Variants in PML observed in about 807,000 individuals in gnomAD.
PML encodes PML nuclear body scaffold.
Under a neutral mutation model 65.2 loss-of-function variants are expected in PML, and 28 were observed. The observed-to-expected ratio is 0.43, with a 90% CI of 0.32 to 0.59. The LOEUF (loss-of-function observed/expected upper bound fraction) is 0.59. Among genes scored for constraint, PML ranks in the 20% least tolerant of loss-of-function variants. The pLI is 0.08. For synonymous variants in PML, 500 were observed against 508.8 expected, an observed-to-expected ratio of 0.98 and a Z score of 0.23; for missense variants, 1,021 against 1,203.4, an observed-to-expected ratio of 0.85 and a Z score of 2.24.
chr15:74,004,271 G>A lies in PML; in HGVS notation c.602+5795G>A, dbSNP rs146638764. Among the ~76,000 whole-genome samples the A allele has an allele frequency of 3.5e-3, 540 of 152,166 alleles. 3 individuals carry two copies. The highest frequency in any genetic ancestry group is 5.6e-3 in the Non-Finnish European group (381 of 68,010). ...ACTACAGGCACCTGCCACCGTGCCTGGCTAATAAATATAGTTGGATGGTTT... is the reference window on the plus strand; with the variant it reads ...ACTACAGGCACCTGCCACCGTGCCTAGCTAATAAATATAGTTGGATGGTTT... On this transcript the variant is annotated intron_variant, in intron 2 of 8. Transcript: ENST00000268058.
chr15:73,995,243 C>T (rs760171714), intron 1 of PML, among the ~76,000 whole-genome samples: 1 of 152,242 alleles, frequency 6.6e-6, no homozygotes, highest in Non-Finnish European at 1.5e-5. Flanking sequence ...TCCGCCCACC[C>T]TCGAGCCCTG....
At chr15:74,009,107 T>A (rs1223112276) in intron 2 of PML, among the ~76,000 whole-genome samples, 1 of 152,076 alleles carries the variant, frequency 6.6e-6, no homozygotes, top group African/African-American at 2.4e-5. Context: ...TGACCAGACA[T>A]TCTCAGGAGT....
rs750806582 is a variant in PML at position 74,035,789 on chromosome 15, T to C, written c.1710+1259T>C. On this transcript the variant is annotated intron_variant, in intron 7 of 8. Transcript: ENST00000268058. This position sits in a 1 kb window ranked among gnomAD's most constrained non-coding sequence, Gnocchi z 4.1. ...GGGCAGGGGAAAGCAGAGCCCAGAC[T>C]CTTGGAGCAGGTGTTCCCCCTGGGG... The C allele has an allele frequency of 6.2e-7, 1 of 1,614,082 alleles. No homozygotes were observed. Among genetic ancestry groups the C allele is most frequent in the Admixed American group, 1.7e-5 (1 of 60,024 alleles).
At chr15:73,998,529 C>T in intron 2 of PML, 53 bp downstream of exon 2, 1 of 1,464,626 alleles carries the variant, frequency 6.8e-7, no homozygotes, top group Non-Finnish European at 9.5e-7. Flanking sequence ...AGGTAGAGGG[C>T]GAGAGGAGCA....
intron 7 of PML, chr15:74,036,197 C>T (rs2071553875): frequency 6.3e-7 from 1 of 1,589,144 alleles, no homozygotes; most frequent in African/African-American, 1.3e-5. Flanking sequence ...GCCTCTTTGC[C>T]CAAGAAAGAA....
intron 6 of PML, 70 bp downstream of exon 6, chr15:74,033,484 T>C (rs778979400): frequency 5.1e-6 from 8 of 1,569,438 alleles, no homozygotes; most frequent in Non-Finnish European, 2.6e-6. Context: ...CTCTTCTGTA[T>C]TTTGGCCCCA....
At chr15:74,036,995 C>T (rs1413669075) in intron 7 of PML, 11 of 985,364 alleles carry the variant, frequency 1.1e-5, no homozygotes, top group Non-Finnish European at 1.3e-5. Flanking sequence ...ATCAGAATTG[C>T]AGCTCCCTGC....
chr15:74,014,362 C>G (rs2070467176), intron 2 of PML, among the ~76,000 whole-genome samples: 1 of 151,804 alleles, frequency 6.6e-6, no homozygotes, highest in African/African-American at 2.4e-5. Context: ...GATAGAGTCT[C>G]GCTCTGCCTC....
At chr15:74,033,684 G>A in intron 6 of PML, 1 of 646,664 alleles carries the variant, frequency 1.5e-6, no homozygotes, top group Non-Finnish European at 2.8e-6. Flanking sequence ...CTGTGCCTTT[G>A]CACAGGGCAG....
intron 4 of PML, chr15:74,025,616 T>C (rs2071039254): frequency 1.3e-5 from 2 of 153,450 alleles, no homozygotes; most frequent in Admixed American, 6.5e-5. Flanking sequence ...CCAGCTTTCA[T>C]GTACACATCT....
Position 74,022,876 on chromosome 15 carries a change from C to G in PML, c.651C>G (p.Leu217=), listed in dbSNP as rs761106701. 28 of 1,613,674 alleles carry G rather than the reference C, an allele frequency of 1.7e-5. No individual in the cohort carries two copies. The highest frequency in any genetic ancestry group is 2.4e-5 in the Non-Finnish European group (28 of 1,179,952). The change falls in exon 3 of 9, where the codon CTC becomes CTG. Residue 217 remains leucine, a synonymous_variant. Transcript: ENST00000268058. ...AGCCGCTGTGCTGCTCGTGCGCGCT[C>G]CTTGACAGCAGCCACAGTGAGCTCA... The part of the protein sequence containing the change: ...CSKPLCCSCA[L]LDSSHSELKC...
chr15:74,030,808 T>A (rs2071287576), intron 4 of PML, among the ~76,000 whole-genome samples: 1 of 152,172 alleles, frequency 6.6e-6, no homozygotes, highest in South Asian at 2.1e-4. Context: ...ACTTTTTTTT[T>A]AACTATAATT....
chr15:74,014,489 C>T (rs1386179575), intron 2 of PML, among the ~76,000 whole-genome samples: 2 of 151,846 alleles, frequency 1.3e-5, no homozygotes, highest in African/African-American at 4.8e-5. Context: ...CCCGCCACCA[C>T]ACTCAGCTAA....
chr15:74,016,920 C>G (rs549457883), intron 2 of PML, among the ~76,000 whole-genome samples: 475 of 151,456 alleles, frequency 3.1e-3, no homozygotes, highest in Middle Eastern at 6.8e-3. Flanking sequence ...CCTCAGCCTC[C>G]TGAGTAGCTG....
At chr15:74,003,091 G>A (rs188430090) in intron 2 of PML, among the ~76,000 whole-genome samples, 1 of 152,072 alleles carries the variant, frequency 6.6e-6, no homozygotes, top group African/African-American at 2.4e-5. Flanking sequence ...CCATGATCAC[G>A]CCACTGCACT....
At position 73,994,885 on chromosome 15, in the gene PML, C is replaced by A. The variant is rs376726233; in HGVS notation, c.73C>A (p.Pro25Thr). The change falls in exon 1 of 9, where the codon CCC (proline) becomes ACC (threonine). Residue 25 changes from proline (P) to threonine (T), a missense_variant. Pro to Thr is a conservative substitution (Grantham distance 38, BLOSUM62 -1). Coordinates refer to ENST00000268058, the MANE Select transcript of PML (RefSeq NM_033238.3). ...PARPQEPTMP[P>T]PETPSEGRQP... ...CCGGCCCCAGGAGCCCACCATGCCT[C>A]CCCCCGAGACCCCCTCTGAAGGCCG... 1 of 1,545,884 alleles carries A rather than the reference C, an allele frequency of 6.5e-7. No homozygotes were observed.
chr15:73,998,196 T>G lies in PML; in HGVS notation c.322T>G (p.Phe108Val), dbSNP rs2069594251. The G allele has an allele frequency of 1.2e-6, 2 of 1,614,082 alleles. No individual in the cohort carries two copies. The highest frequency in any genetic ancestry group is 1.7e-6 in the Non-Finnish European group (2 of 1,180,024). ...GADTPALDNV[F>V]FESLQRRLSV... ...AGACACACCCGCCCTGGATAACGTC[T>G]TTTTCGAGAGTCTGCAGCGGCGCCT... The change falls in exon 2 of 9, where the codon TTT (phenylalanine) becomes GTT (valine). Residue 108 changes from phenylalanine (F) to valine (V), a missense_variant. By Grantham distance (50) the Phe-to-Val change is conservative. Coordinates refer to ENST00000268058, the MANE Select transcript of PML (RefSeq NM_033238.3).
intron 2 of PML, among the ~76,000 whole-genome samples, chr15:74,008,851 G>C (rs1372032822): frequency 1.3e-5 from 2 of 152,136 alleles, no homozygotes; most frequent in South Asian, 4.2e-4. Context: ...TTTGGGAACA[G>C]GGATATCAGT....
rs745901836 is a variant in PML at position 74,044,925 on chromosome 15, G to A, written c.2566G>A (p.Gly856Ser). 3.7e-5 allele frequency: 59 copies of A among 1,613,274 alleles called. No individual in the cohort carries two copies. The highest frequency in any genetic ancestry group is 4.7e-5 in the Non-Finnish European group (55 of 1,180,016). ...CACCTACTTTGAAGGCCTGTTGGAG[G>A]GTCCGGCGCTGGCACGGGCAGAAGG... ...LGTYFEGLLE[G>S]PALARAEGVS... The change falls in exon 9 of 9, where the codon GGT becomes AGT. Residue 856 changes from glycine to serine, a missense_variant. Gly to Ser is a moderately conservative substitution (Grantham distance 56). Transcript: ENST00000268058.
Sources: allele counts gnomAD v4.1 joint callset (sites outside exome capture counted in the v4.1 genomes callset), GRCh38; gene constraint gnomAD v4.1.1; non-coding constraint Gnocchi (gnomAD v3.1); transcripts MANE v1.5; gene names NCBI Gene and HGNC (gene_info 2026-07-23, HGNC 2026-07-21).